The following COP1 variants were observed in gnomAD, a reference collection of about 807,000 sequenced individuals.
COP1 encodes COP1 E3 ubiquitin ligase.
A neutral mutation model predicts 101.3 loss-of-function variants in COP1; 24 were observed. That is an observed-to-expected ratio of 0.24 (90% CI 0.17 to 0.33). COP1 has a LOEUF of 0.33. Among genes scored for constraint, COP1 ranks in the 10% least tolerant of loss-of-function variants. The probability of loss-of-function intolerance (pLI) is 1.00; values close to 1 mark genes in which losing one functional copy is unlikely to be tolerated. For missense variants in COP1, 663 were observed against 906.2 expected, an observed-to-expected ratio of 0.73 and a Z score of 3.45; for synonymous variants, 347 against 341.9, an observed-to-expected ratio of 1.01 and a Z score of -0.17.
At chr1:176,154,511 T>C (rs1693154616) in intron 5 of COP1, among the ~76,000 whole-genome samples, 1 of 152,128 alleles carries the variant, frequency 6.6e-6, no homozygotes. Flanking sequence ...CAGAAACCAT[T>C]ATCCTTAGCA....
At chr1:176,061,551 C>T (rs1360735255) in intron 11 of COP1, among the ~76,000 whole-genome samples, 1 of 151,998 alleles carries the variant, frequency 6.6e-6, no homozygotes, top group African/African-American at 2.4e-5. Flanking sequence ...ACTTGAACCC[C>T]GGAGGCAGAG....
chr1:176,133,256 G>A (rs564872348), intron 8 of COP1, among the ~76,000 whole-genome samples: 19 of 150,170 alleles, frequency 1.3e-4, no homozygotes, highest in African/African-American at 3.7e-4. Context: ...ACACACATAC[G>A]TATATACGTA....
intron 15 of COP1, among the ~76,000 whole-genome samples, chr1:176,005,671 A>T (rs867317416): frequency 6.6e-6 from 1 of 152,162 alleles, no homozygotes; most frequent in South Asian, 2.1e-4. Context: ...TTTGAGTGAG[A>T]TTCTTAATCC....
intron 8 of COP1, among the ~76,000 whole-genome samples, chr1:176,118,896 CT>C (rs1401966180): frequency 6.6e-6 from 1 of 151,992 alleles, no homozygotes; most frequent in African/African-American, 2.4e-5. Context: ...CACAAGTACC[CT>C]CATAAACATG....
intron 1 of COP1, among the ~76,000 whole-genome samples, chr1:176,195,486 A>G (rs1277330925): frequency 3.9e-5 from 6 of 152,246 alleles, no homozygotes; most frequent in Non-Finnish European, 8.8e-5. Flanking sequence ...TTTGACATGT[A>G]TAGAACCTCA....
At chr1:175,997,102 A>G (rs1268458894) in intron 15 of COP1, among the ~76,000 whole-genome samples, 1 of 152,076 alleles carries the variant, frequency 6.6e-6, no homozygotes, top group Non-Finnish European at 1.5e-5. Context: ...CCGCGTACCT[A>G]CAACTATCTG....
At chr1:176,074,945 C>T (rs1053955464) in intron 11 of COP1, among the ~76,000 whole-genome samples, 3 of 152,122 alleles carry the variant, frequency 2.0e-5, no homozygotes, top group Non-Finnish European at 4.4e-5. Flanking sequence ...GCATAGTATA[C>T]ATTCTTAACA....
At chr1:176,065,940 C>CT (rs1675879739) in intron 11 of COP1, among the ~76,000 whole-genome samples, 1 of 152,032 alleles carries the variant, frequency 6.6e-6, no homozygotes, top group South Asian at 2.1e-4. Flanking sequence ...AACTCCTGAC[C>CT]TGGTGACCTC....
At chr1:176,057,433 T>C in intron 11 of COP1, among the ~76,000 whole-genome samples, 1 of 152,122 alleles carries the variant, frequency 6.6e-6, no homozygotes, top group South Asian at 2.1e-4. Flanking sequence ...GCAACCCCCC[T>C]GCCTGATTCT....
At chr1:176,068,791 C>T (rs1368066737) in intron 11 of COP1, among the ~76,000 whole-genome samples, 2 of 152,186 alleles carry the variant, frequency 1.3e-5, no homozygotes, top group African/African-American at 2.4e-5. Context: ...TGAATAATTA[C>T]ATTCTCTTAT....
At chr1:176,115,171 G>A (rs933737180) in intron 9 of COP1, among the ~76,000 whole-genome samples, 12 of 152,170 alleles carry the variant, frequency 7.9e-5, no homozygotes, top group South Asian at 2.1e-4. Context: ...AAACGTGGCC[G>A]GGAGTGGTGG....
chr1:176,099,830 G>A (rs891794595), intron 9 of COP1, among the ~76,000 whole-genome samples: 1 of 152,120 alleles, frequency 6.6e-6, no homozygotes, highest in Non-Finnish European at 1.5e-5. Flanking sequence ...ACCTTCTACA[G>A]GCCCAGAGCT....
At chr1:176,152,214 C>T (rs550629258) in intron 5 of COP1, among the ~76,000 whole-genome samples, 30 of 151,826 alleles carry the variant, frequency 2.0e-4, no homozygotes, top group African/African-American at 4.1e-4. Context: ...GAGCAGTGAT[C>T]GCACCATTGC....
chr1:176,083,883 G>C (rs1011092074), intron 10 of COP1, among the ~76,000 whole-genome samples: 4 of 152,102 alleles, frequency 2.6e-5, no homozygotes, highest in African/African-American at 9.7e-5. Flanking sequence ...CTGAAAACTA[G>C]AGACATGTTT....
intron 18 of COP1, among the ~76,000 whole-genome samples, chr1:175,976,267 A>ACTCTTTTTTTT (rs1654527979): frequency 2.4e-5 from 1 of 41,764 alleles, no homozygotes; most frequent in African/African-American, 5.7e-5. Flanking sequence ...TCAATTAGTC[A>ACTCTTTTTTTT]TTCTTTTTTT....
chr1:176,101,495 T>C (rs925506157), intron 9 of COP1, among the ~76,000 whole-genome samples: 3 of 152,192 alleles, frequency 2.0e-5, no homozygotes, highest in Admixed American at 1.3e-4. Context: ...ACACTCCCCT[T>C]GGATGCATCT....
chr1:176,122,468 G>A (rs1043868033), intron 8 of COP1, among the ~76,000 whole-genome samples: 3 of 152,020 alleles, frequency 2.0e-5, no homozygotes, highest in Admixed American at 6.6e-5. Flanking sequence ...ACAAATTTAG[G>A]TTTACTTAAG....
intron 5 of COP1, 96 bp from the exon 6 acceptor site, chr1:176,149,170 G>A: frequency 1.7e-6 from 1 of 580,366 alleles, no homozygotes; most frequent in Non-Finnish European, 2.9e-6. Context: ...GCAAATTTAT[G>A]CACCCATTTA....
chr1:176,030,359 G>A (rs897559799), intron 14 of COP1, among the ~76,000 whole-genome samples: 1 of 152,078 alleles, frequency 6.6e-6, no homozygotes, highest in African/African-American at 2.4e-5. Flanking sequence ...TAACAGCCTA[G>A]GCCCAAAGGT....
Sources: gnomAD v4.1 joint callset for allele counts (sites outside exome capture counted in the v4.1 genomes callset) on GRCh38, gnomAD v4.1.1 for gene constraint, MANE v1.5 for transcripts, NCBI Gene and HGNC (gene_info 2026-07-23, HGNC 2026-07-21) for gene names.